Variants in WDR27 observed in about 807,000 individuals in gnomAD.
WDR27 encodes WD repeat-containing protein 27.
WDR27 carries 100 observed loss-of-function variants against 114.4 expected under a neutral mutation model. The ratio of observed to expected loss-of-function variants is 0.87; its 90% CI spans 0.74 to 1.03. WDR27 has a LOEUF of 1.03. Ranked by LOEUF, WDR27 falls within the 50% of genes least tolerant of loss-of-function variation. WDR27 has a pLI of 0.00. For synonymous variants in WDR27, 449 were observed against 423.1 expected, an observed-to-expected ratio of 1.06 and a Z score of -0.75; for missense variants, 1,129 against 1,092.9, an observed-to-expected ratio of 1.03 and a Z score of -0.47.
chr6:169,566,442 G>C (rs1183639206), intron 25 of WDR27, among the ~76,000 whole-genome samples: 1 of 152,230 alleles, frequency 6.6e-6, no homozygotes, highest in African/African-American at 2.4e-5. Flanking sequence ...TGTCCCGGGG[G>C]CCTCGAAGAG....
chr6:169,550,145 T>C (rs1324671823), intron 25 of WDR27, among the ~76,000 whole-genome samples: 1 of 152,190 alleles, frequency 6.6e-6, no homozygotes, highest in African/African-American at 2.4e-5. Flanking sequence ...CTCCATACTT[T>C]CCTCACAATT....
chr6:169,701,110 ACAGAG>A (rs1334982926), intron 1 of WDR27, among the ~76,000 whole-genome samples: 3 of 152,224 alleles, frequency 2.0e-5, no homozygotes, highest in African/African-American at 7.2e-5. Context: ...CTTTACTGGT[ACAGAG>A]CAGTGTGTGT....
chr6:169,582,483 T>G (rs1391511726), intron 24 of WDR27, among the ~76,000 whole-genome samples: 3 of 152,188 alleles, frequency 2.0e-5, no homozygotes, highest in Non-Finnish European at 4.4e-5. Context: ...TTGCTGGCAC[T>G]GGTGTTCATG....
chr6:169,647,566 G>T, intron 16 of WDR27: 1 of 639,626 alleles, frequency 1.6e-6, no homozygotes, highest in Non-Finnish European at 2.8e-6. Context: ...ACGCAGGGGT[G>T]AGATGCCTGG....
chr6:169,645,758 C>G (rs568906122), intron 16 of WDR27, among the ~76,000 whole-genome samples: 1 of 145,436 alleles, frequency 6.9e-6, no homozygotes, highest in Non-Finnish European at 1.5e-5. Flanking sequence ...TTCACAGGGT[C>G]ACACTGTAGA....
At chr6:169,598,682 C>T (rs563437265) in intron 23 of WDR27, among the ~76,000 whole-genome samples, 165 of 152,302 alleles carry the variant, frequency 1.1e-3, no homozygotes, top group African/African-American at 3.7e-3. Flanking sequence ...GCCAGCATGA[C>T]GCAGCCACAC....
intron 24 of WDR27, among the ~76,000 whole-genome samples, chr6:169,577,033 C>T (rs1329569610): frequency 6.7e-6 from 1 of 150,186 alleles, no homozygotes; most frequent in Admixed American, 6.7e-5. Flanking sequence ...TGTAAACTGG[C>T]TTAATTGGTA....
intron 25 of WDR27, among the ~76,000 whole-genome samples, chr6:169,557,204 G>A (rs1049113304): frequency 3.9e-5 from 6 of 152,164 alleles, no homozygotes; most frequent in Non-Finnish European, 5.9e-5. Flanking sequence ...AAAATGCCTC[G>A]GTGATATAAA....
At chr6:169,685,018 TTC>T (rs1430926892) in intron 2 of WDR27, among the ~76,000 whole-genome samples, 1 of 152,164 alleles carries the variant, frequency 6.6e-6, no homozygotes, top group Non-Finnish European at 1.5e-5. Flanking sequence ...TCACCACAAA[TTC>T]TCTTAGTCAA....
At position 169,582,928 on chromosome 6, in the gene WDR27, C is replaced by G. The variant is rs1315415186; in HGVS notation, c.2431G>C (p.Val811Leu). ...ACGAEDRHAYVYEMGSSTFSH... is the reference protein window; with the variant it reads ...ACGAEDRHAYLYEMGSSTFSH... ...AACGTGCTTGAGCCCATTTCATACA[C>G]GTAAGCCTACAAGACAAGATGAGCA... The change falls in exon 24 of 26, where the codon GTG becomes CTG. Residue 811 changes from valine to leucine, a missense_variant. Val to Leu is a conservative substitution (Grantham distance 32, BLOSUM62 1). Transcript: ENST00000448612. 2 of 1,613,648 alleles carry G rather than the reference C, an allele frequency of 1.2e-6. No homozygotes were observed. Among genetic ancestry groups the G allele is most frequent in the Non-Finnish European group, 1.7e-6 (2 of 1,179,830 alleles).
intron 2 of WDR27, among the ~76,000 whole-genome samples, chr6:169,674,747 C>T (rs868425651): frequency 6.6e-6 from 1 of 152,148 alleles, no homozygotes; most frequent in Non-Finnish European, 1.5e-5. Flanking sequence ...CTTTCATGCG[C>T]GTCCATGTGA....
At chr6:169,645,180 G>A (rs1421995495) in intron 16 of WDR27, among the ~76,000 whole-genome samples, 2 of 151,244 alleles carry the variant, frequency 1.3e-5, no homozygotes, top group East Asian at 3.9e-4. Flanking sequence ...GAGTCACACT[G>A]TAGAAAAGCC....
the WDR27 span, among the ~76,000 whole-genome samples, chr6:169,428,781 T>G: frequency 6.6e-6 from 1 of 152,214 alleles, no homozygotes; most frequent in Non-Finnish European, 1.5e-5. Flanking sequence ...AGCCCTTGCC[T>G]TCACAGAAGA....
intron 25 of WDR27, among the ~76,000 whole-genome samples, chr6:169,506,538 TTGAG>T (rs1284227222): frequency 1.3e-5 from 2 of 152,134 alleles, no homozygotes; most frequent in Admixed American, 1.3e-4. Flanking sequence ...GCAAGTTTGA[TTGAG>T]TAAGGAGAGA....
chr6:169,434,032 T>C, the WDR27 span, among the ~76,000 whole-genome samples: 1 of 152,252 alleles, frequency 6.6e-6, no homozygotes, highest in Non-Finnish European at 1.5e-5. Context: ...TCCTATCCTG[T>C]AGGTTGCCTA....
chr6:169,475,004 A>G (rs956572813), intron 25 of WDR27, among the ~76,000 whole-genome samples: 12 of 152,194 alleles, frequency 7.9e-5, no homozygotes, highest in African/African-American at 2.7e-4. Flanking sequence ...TCTAGCAAGA[A>G]TCAAGGCACA....
intron 25 of WDR27, among the ~76,000 whole-genome samples, chr6:169,550,020 T>G (rs973947117): frequency 2.0e-4 from 30 of 151,950 alleles, no homozygotes; most frequent in African/African-American, 6.8e-4. Flanking sequence ...GCTGATAAAC[T>G]GTGGACTTTG....
intron 13 of WDR27, 111 bp downstream of exon 13, chr6:169,658,165 G>C: frequency 1.2e-6 from 1 of 829,284 alleles, no homozygotes; most frequent in South Asian, 1.5e-5. Context: ...ATGGAAGGAA[G>C]TACGGAATGC....
intron 2 of WDR27, 47 bp downstream of exon 2, chr6:169,688,770 A>G: frequency 6.8e-7 from 1 of 1,470,292 alleles, no homozygotes; most frequent in Non-Finnish European, 9.1e-7. Flanking sequence ...ACATGGAGAG[A>G]CAAGGGCAAG....
Sources: allele counts gnomAD v4.1 joint callset (sites outside exome capture counted in the v4.1 genomes callset), GRCh38; gene constraint gnomAD v4.1.1; transcripts MANE v1.5; gene names NCBI Gene and HGNC (gene_info 2026-07-23, HGNC 2026-07-21).